The following ANO3 variants were observed in gnomAD, a reference collection of about 807,000 sequenced individuals.
The protein encoded by ANO3 is anoctamin 3.
A neutral mutation model predicts 144.8 loss-of-function variants in ANO3; 99 were observed. That is an observed-to-expected ratio of 0.68 (90% CI 0.58 to 0.81). The LOEUF (loss-of-function observed/expected upper bound fraction) is 0.81, where lower values mean the gene tolerates loss of function less well. Ranked by LOEUF, ANO3 falls within the 30% of genes least tolerant of loss-of-function variation. The pLI is 0.00. For synonymous variants in ANO3, 414 were observed against 392.6 expected (o/e 1.05, Z -0.64); for missense variants, 905 against 1,202.2 (o/e 0.75, Z 3.66).
At chr11:26,374,128 A>T (rs1048008825) in intron 1 of ANO3, among the ~76,000 whole-genome samples, 1 of 152,232 alleles carries the variant, frequency 6.6e-6, no homozygotes, top group Non-Finnish European at 1.5e-5. Flanking sequence ...TCATATAAAC[A>T]TGAGTAAAGT....
chr11:26,430,397 C>T lies in ANO3; in HGVS notation c.47-11521C>T, dbSNP rs1204439292. Among the ~76,000 whole-genome samples the T allele has an allele frequency of 2.0e-5, 3 of 152,150 alleles. No homozygotes were observed. The East Asian group carries it at 5.8e-4, about 29-fold the overall frequency. The stretch of plus-strand genomic sequence containing the variant: ...ACCTTGAAATAAAAAACCTAAACAA[C>T]TCTTATTTGAAAAAAGAAAACATAA... On this transcript the variant is annotated intron_variant, in intron 1 of 26. Coordinates refer to ENST00000256737, the MANE Select transcript of ANO3 (RefSeq NM_031418.4).
chr11:26,265,846 A>G (rs1258928929), intron 1 of ANO3, among the ~76,000 whole-genome samples: 1 of 152,210 alleles, frequency 6.6e-6, no homozygotes, highest in Non-Finnish European at 1.5e-5. Context: ...ACGACAAAGT[A>G]TAAGTCTAAA....
At chr11:26,625,176 C>T (rs1011166955) in intron 18 of ANO3, among the ~76,000 whole-genome samples, 3 of 152,198 alleles carry the variant, frequency 2.0e-5, no homozygotes, top group South Asian at 2.1e-4. Context: ...CTGCCCGCCT[C>T]GGCCTCCCAA....
At chr11:26,287,490 T>G (rs1269735096) in intron 1 of ANO3, 1 of 152,162 alleles carries the variant, frequency 6.6e-6, no homozygotes. Flanking sequence ...CATTAAGCAA[T>G]AGAAACAGAC....
intron 1 of ANO3, among the ~76,000 whole-genome samples, chr11:26,260,860 G>A (rs939073322): frequency 2.0e-5 from 3 of 152,032 alleles, no homozygotes; most frequent in African/African-American, 7.2e-5. Flanking sequence ...GTTCTTGGTG[G>A]GGCCTTCCCC....
intron 18 of ANO3, among the ~76,000 whole-genome samples, chr11:26,629,211 C>A (rs1000727721): frequency 2.0e-5 from 3 of 152,090 alleles, no homozygotes; most frequent in Admixed American, 1.3e-4. Context: ...TAGCACTCAG[C>A]ATGTCTCCAA....
chr11:26,590,284 T>G (rs1242798698), intron 14 of ANO3, among the ~76,000 whole-genome samples: 1 of 152,256 alleles, frequency 6.6e-6, no homozygotes, highest in Admixed American at 6.5e-5. Flanking sequence ...TTTATGGCGA[T>G]TATTCCTTTT....
intron 4 of ANO3, among the ~76,000 whole-genome samples, chr11:26,486,297 G>T (rs1439984187): frequency 6.8e-6 from 1 of 147,186 alleles, no homozygotes; most frequent in Non-Finnish European, 1.5e-5. Context: ...GGAGGCGGAG[G>T]TTGCAGTGAG....
At chr11:26,318,239 C>G (rs916206045) in intron 1 of ANO3, among the ~76,000 whole-genome samples, 38 of 152,222 alleles carry the variant, frequency 2.5e-4, no homozygotes, top group African/African-American at 8.9e-4. Context: ...CACATGTACC[C>G]CAGAACTTAA....
intron 1 of ANO3, among the ~76,000 whole-genome samples, chr11:26,418,048 T>C (rs935056850): frequency 1.3e-5 from 2 of 152,158 alleles, no homozygotes; most frequent in African/African-American, 4.8e-5. Context: ...CTTAGGGTTT[T>C]GAAATTAGTA....
intron 17 of ANO3, among the ~76,000 whole-genome samples, chr11:26,623,129 G>C (rs1852469360): frequency 1.3e-5 from 2 of 152,176 alleles, no homozygotes; most frequent in African/African-American, 4.8e-5. Flanking sequence ...CCAAAAACCT[G>C]CACTAGGAAG....
intron 1 of ANO3, among the ~76,000 whole-genome samples, chr11:26,284,848 T>A (rs962067286): frequency 6.6e-6 from 1 of 152,128 alleles, no homozygotes; most frequent in African/African-American, 2.4e-5. Flanking sequence ...GAGCCTGCAG[T>A]GAGCCGAGAT....
chr11:26,200,204 C>T (rs1324562855), intron 1 of ANO3, among the ~76,000 whole-genome samples: 1 of 152,164 alleles, frequency 6.6e-6, no homozygotes, highest in East Asian at 1.9e-4. Context: ...CCGAAGCTAA[C>T]CTGAACTAGG....
chr11:26,198,071 C>T (rs772480276), intron 1 of ANO3, among the ~76,000 whole-genome samples: 15 of 152,024 alleles, frequency 9.9e-5, no homozygotes, highest in Non-Finnish European at 1.3e-4. Context: ...CCAGTTTCAG[C>T]AAGGCAAATG....
intron 1 of ANO3, among the ~76,000 whole-genome samples, chr11:26,404,933 ATG>A (rs56103536): frequency 0.033 from 4,802 of 146,180 alleles, 147 homozygotes; most frequent in East Asian, 0.09. Context: ...ATTTATATAT[ATG>A]TGTGTGTGTG....
At chr11:26,350,498 T>C (rs1855619727) in intron 1 of ANO3, among the ~76,000 whole-genome samples, 2 of 152,236 alleles carry the variant, frequency 1.3e-5, no homozygotes, top group South Asian at 4.1e-4. Flanking sequence ...CCTGCAACAA[T>C]TTGTTTAAAA....
intron 1 of ANO3, among the ~76,000 whole-genome samples, chr11:26,334,208 A>G (rs1248408496): frequency 6.6e-6 from 1 of 152,228 alleles, no homozygotes; most frequent in African/African-American, 2.4e-5. Context: ...ACAAAAGGCA[A>G]CTTCAGCAAA....
Position 26,531,493 on chromosome 11 carries a change from G to A in ANO3, c.869+157G>A, listed in dbSNP as rs140794138. ...ACACTTAACTTATAAACAACACTAA[G>A]TGAATGTTATTAATTCGCTATCAAT... On this transcript the variant is annotated intron_variant, in intron 8 of 26. Transcript: ENST00000256737. Among the ~76,000 whole-genome samples the A allele has an allele frequency of 2.5e-3, 387 of 152,202 alleles. 3 individuals carry two copies. In the South Asian group the frequency reaches 0.03, roughly 12 times the overall value.
chr11:26,476,556 G>T (rs562896128), intron 4 of ANO3, among the ~76,000 whole-genome samples: 53 of 152,138 alleles, frequency 3.5e-4, no homozygotes, highest in African/African-American at 1.3e-3. Flanking sequence ...TGCTGCAGGG[G>T]TCTATGAGGA....
Sources: gnomAD v4.1 joint callset for allele counts (sites outside exome capture counted in the v4.1 genomes callset) on GRCh38, gnomAD v4.1.1 for gene constraint, MANE v1.5 for transcripts, NCBI Gene and HGNC (gene_info 2026-07-23, HGNC 2026-07-21) for gene names.